Variants in HS6ST3 observed in about 807,000 individuals in gnomAD.
HS6ST3 encodes heparan sulfate 6-O-sulfotransferase 3.
HS6ST3 carries 12 observed loss-of-function variants against 36.7 expected under a neutral mutation model. The observed-to-expected ratio is 0.33, with a 90% CI of 0.21 to 0.53. The LOEUF is 0.53. Among genes scored for constraint, HS6ST3 ranks in the 20% least tolerant of loss-of-function variants. The probability of loss-of-function intolerance (pLI) is 0.95; values close to 1 mark genes in which losing one functional copy is unlikely to be tolerated. For missense variants in HS6ST3, 584 were observed against 640.9 expected (o/e 0.91, Z 0.96); for synonymous variants, 240 against 257.5 (o/e 0.93, Z 0.65).
intron 1 of HS6ST3, among the ~76,000 whole-genome samples, chr13:96,474,807 C>T (rs562940632): frequency 6.6e-6 from 1 of 152,216 alleles, no homozygotes; most frequent in South Asian, 2.1e-4. Flanking sequence ...TTTTAATTAT[C>T]TTTTTCAAAC....
chr13:96,175,683 A>G (rs537329486), intron 1 of HS6ST3, among the ~76,000 whole-genome samples: 18 of 106,290 alleles, frequency 1.7e-4, no homozygotes, highest in African/African-American at 6.8e-4. Flanking sequence ...TAGCCTTTCT[A>G]GTGAATTTGG....
intron 1 of HS6ST3, among the ~76,000 whole-genome samples, chr13:96,372,033 A>G (rs2139441606): frequency 6.6e-6 from 1 of 152,240 alleles, no homozygotes; most frequent in Admixed American, 6.5e-5. Context: ...TGATATTTCT[A>G]TTTTTAATTT....
intron 1 of HS6ST3, among the ~76,000 whole-genome samples, chr13:96,468,755 G>T (rs1338737687): frequency 6.6e-6 from 1 of 152,062 alleles, no homozygotes; most frequent in Non-Finnish European, 1.5e-5. Context: ...TAGAATTTTG[G>T]ACATTTTTAA....
chr13:96,189,758 G>C (rs539989780), intron 1 of HS6ST3, among the ~76,000 whole-genome samples: 5 of 152,286 alleles, frequency 3.3e-5, no homozygotes, highest in African/African-American at 9.6e-5. Context: ...ACTGAAAGGA[G>C]CCACTCCTGT....
intron 1 of HS6ST3, among the ~76,000 whole-genome samples, chr13:96,140,637 T>C (rs754087674): frequency 1.4e-4 from 22 of 152,192 alleles, no homozygotes; most frequent in Non-Finnish European, 2.1e-4. Flanking sequence ...AATAAATGAA[T>C]TTTGCATAAA....
chr13:96,582,909 G>A (rs1215799780), intron 1 of HS6ST3, among the ~76,000 whole-genome samples: 1 of 151,960 alleles, frequency 6.6e-6, no homozygotes, highest in East Asian at 1.9e-4. Context: ...TTTTGTATAA[G>A]TATGTTCCAA....
At chr13:96,475,506 G>C (rs1040552279) in intron 1 of HS6ST3, among the ~76,000 whole-genome samples, 4 of 151,304 alleles carry the variant, frequency 2.6e-5, no homozygotes, top group South Asian at 2.1e-4. Context: ...GGAAACGTCT[G>C]CATGTCCCTT....
intron 1 of HS6ST3, among the ~76,000 whole-genome samples, chr13:96,263,649 C>T (rs1189970094): frequency 6.6e-6 from 1 of 152,104 alleles, no homozygotes; most frequent in Non-Finnish European, 1.5e-5. Flanking sequence ...TTTTAGTGCC[C>T]ATGATACATA....
At chr13:96,557,575 A>T (rs2056245750) in intron 1 of HS6ST3, among the ~76,000 whole-genome samples, 2 of 152,130 alleles carry the variant, frequency 1.3e-5, no homozygotes, top group South Asian at 4.1e-4. Flanking sequence ...AACCTAAGTG[A>T]TCCTTCAACA....
At chr13:96,817,863 A>G (rs1208418675) in intron 1 of HS6ST3, among the ~76,000 whole-genome samples, 1 of 152,190 alleles carries the variant, frequency 6.6e-6, no homozygotes, top group African/African-American at 2.4e-5. Flanking sequence ...CAGTTGTGTT[A>G]TTCTGTTGCT....
chr13:96,686,086 G>A (rs598421), intron 1 of HS6ST3, among the ~76,000 whole-genome samples: 149,160 of 152,048 alleles, frequency 0.98, 73,201 homozygotes, highest in East Asian at 1. Flanking sequence ...TTCATCCAAG[G>A]AGGAAGGCGT....
chr13:96,109,196 C>T (rs552952082), intron 1 of HS6ST3, among the ~76,000 whole-genome samples: 2 of 152,274 alleles, frequency 1.3e-5, no homozygotes, highest in South Asian at 4.1e-4. Flanking sequence ...TTGTCACAAG[C>T]ATTGCCCGAT....
At chr13:96,219,255 A>G (rs948122152) in intron 1 of HS6ST3, among the ~76,000 whole-genome samples, 5 of 151,910 alleles carry the variant, frequency 3.3e-5, no homozygotes, top group Non-Finnish European at 7.4e-5. Context: ...ATTTTGTAAC[A>G]TGTGTACATT....
chr13:96,361,598 G>A (rs1168725061), intron 1 of HS6ST3, among the ~76,000 whole-genome samples: 2 of 152,100 alleles, frequency 1.3e-5, no homozygotes, highest in Admixed American at 6.5e-5. Context: ...AACAGAGAGC[G>A]GGCTGCTTGC....
At chr13:96,662,461 A>G (rs1033443493) in intron 1 of HS6ST3, among the ~76,000 whole-genome samples, 1 of 149,838 alleles carries the variant, frequency 6.7e-6, no homozygotes, top group African/African-American at 2.5e-5. Context: ...GTTCTGTTTG[A>G]TATTTTTTTA....
chr13:96,646,192 A>G (rs1344782705), intron 1 of HS6ST3, among the ~76,000 whole-genome samples: 1 of 152,022 alleles, frequency 6.6e-6, no homozygotes, highest in South Asian at 2.1e-4. Flanking sequence ...CGGTGACAAG[A>G]GTCTCCAATT....
At chr13:96,281,268 T>TG (rs1477014040) in intron 1 of HS6ST3, among the ~76,000 whole-genome samples, 2 of 152,114 alleles carry the variant, frequency 1.3e-5, no homozygotes, top group Non-Finnish European at 2.9e-5. Context: ...CCTCCCAAAG[T>TG]GCTGTGATTA....
chr13:96,529,863 C>T (rs2056128775), intron 1 of HS6ST3, among the ~76,000 whole-genome samples: 1 of 152,132 alleles, frequency 6.6e-6, no homozygotes, highest in Non-Finnish European at 1.5e-5. Flanking sequence ...CTATTTTAAA[C>T]AATACTCATT....
rs574800230 is a variant in HS6ST3, at chr13:96,615,476, C to G, written c.708-217014C>G. 3.9e-4 allele frequency among the ~76,000 whole-genome samples: 60 copies of G among 152,146 alleles called. 1 individual carries two copies. In the South Asian group the frequency reaches 9.3e-3, roughly 24 times the overall value. ...GTCGATGGATGGTGGGTCTTGTGAC[C>G]AGGGTTTTAATCAATCTTGGCCCAT... On this transcript the variant is annotated intron_variant, in intron 1 of 1. Transcript: ENST00000376705.
Sources: gnomAD v4.1 joint callset for allele counts (sites outside exome capture counted in the v4.1 genomes callset) on GRCh38, gnomAD v4.1.1 for gene constraint, MANE v1.5 for transcripts, NCBI Gene and HGNC (gene_info 2026-07-23, HGNC 2026-07-21) for gene names.